The following CD226 variants were observed in gnomAD, a reference collection of about 807,000 sequenced individuals.
CD226 encodes the protein CD226 molecule, also known as CD226 antigen.
A neutral mutation model predicts 34.9 loss-of-function variants in CD226; 24 were observed. That is an observed-to-expected ratio of 0.69 (90% CI 0.50 to 0.97). The LOEUF is 0.97. CD226 is among the 50% of genes least tolerant of loss of function. The pLI is 0.00. For synonymous variants in CD226, 148 were observed against 147.4 expected, an observed-to-expected ratio of 1.00 and a Z score of -0.03; for missense variants, 397 against 412.7, an observed-to-expected ratio of 0.96 and a Z score of 0.33.
At chr18:69,914,720 T>C (rs2055365244) in intron 2 of CD226, among the ~76,000 whole-genome samples, 1 of 152,092 alleles carries the variant, frequency 6.6e-6, no homozygotes, top group East Asian at 1.9e-4. Flanking sequence ...CAAATAACCA[T>C]CAATTGAGGA....
At chr18:69,895,442 A>G (rs920579725) in intron 3 of CD226, among the ~76,000 whole-genome samples, 1 of 152,062 alleles carries the variant, frequency 6.6e-6, no homozygotes, top group Admixed American at 6.6e-5. Context: ...GCCCTTTACG[A>G]ATTTCTTTTT....
At chr18:69,869,550 G>T (rs1332136373) in intron 4 of CD226, among the ~76,000 whole-genome samples, 2 of 152,080 alleles carry the variant, frequency 1.3e-5, no homozygotes, top group Non-Finnish European at 2.9e-5. Context: ...AATAACTATT[G>T]GGTATAAGGC....
chr18:69,915,589 G>T (rs1369954285), intron 2 of CD226, among the ~76,000 whole-genome samples: 2 of 152,138 alleles, frequency 1.3e-5, no homozygotes, highest in African/African-American at 4.8e-5. Context: ...GAAACTAATT[G>T]AAATAGTTGC....
intron 2 of CD226, among the ~76,000 whole-genome samples, chr18:69,918,678 A>G (rs1027809674): frequency 6.6e-6 from 1 of 152,236 alleles, no homozygotes; most frequent in African/African-American, 2.4e-5. Flanking sequence ...ACAGATGTTT[A>G]CAATGTAAAA....
At chr18:69,878,366 C>T (rs1285669383) in intron 3 of CD226, among the ~76,000 whole-genome samples, 1 of 152,070 alleles carries the variant, frequency 6.6e-6, no homozygotes, top group African/African-American at 2.4e-5. Context: ...TAATTTACTC[C>T]AGGATTGTGA....
chr18:69,928,606 A>G (rs555954693), intron 2 of CD226, among the ~76,000 whole-genome samples: 66 of 152,344 alleles, frequency 4.3e-4, no homozygotes, highest in African/African-American at 1.5e-3. Flanking sequence ...ACTTGGGAAC[A>G]TAAGTGTTTC....
intron 5 of CD226, among the ~76,000 whole-genome samples, chr18:69,866,873 G>C (rs935847381): frequency 6.6e-6 from 1 of 152,174 alleles, no homozygotes; most frequent in East Asian, 1.9e-4. Context: ...GAGAGGGGCA[G>C]AGATTGGAGC....
chr18:69,955,773 G>C (rs2055891710), intron 1 of CD226, among the ~76,000 whole-genome samples: 1 of 148,400 alleles, frequency 6.7e-6, no homozygotes, highest in South Asian at 2.1e-4. Flanking sequence ...TGAGGCAGGA[G>C]AATGGCGTGA....
chr18:69,893,627 C>T lies in CD226; in HGVS notation c.727+2074G>A, dbSNP rs547601275. Among the ~76,000 whole-genome samples the T allele has an allele frequency of 2.6e-5, 4 of 152,226 alleles. No individual in the cohort carries two copies. In the East Asian group the frequency reaches 5.8e-4, roughly 22 times the overall value. ...AGTTTCAAAAAATACTTCCATAATGCAAGGGATTTTTAGGTAAGAAGTTCT... is the reference window on the plus strand; with the variant it reads ...AGTTTCAAAAAATACTTCCATAATGTAAGGGATTTTTAGGTAAGAAGTTCT... On this transcript the variant is annotated intron_variant, in intron 3 of 5. Transcript: ENST00000582621.
intron 4 of CD226, among the ~76,000 whole-genome samples, chr18:69,868,598 A>C (rs1983293123): frequency 6.6e-6 from 1 of 152,194 alleles, no homozygotes; most frequent in Non-Finnish European, 1.5e-5. Flanking sequence ...GGTGTTTTAT[A>C]TAAATTAGAT....
At chr18:69,939,168 G>T (rs1177205662) in intron 2 of CD226, among the ~76,000 whole-genome samples, 2 of 152,166 alleles carry the variant, frequency 1.3e-5, no homozygotes, top group Non-Finnish European at 2.9e-5. Context: ...TAAAACACCT[G>T]TATAAGGAAA....
intron 2 of CD226, among the ~76,000 whole-genome samples, chr18:69,930,653 T>C (rs982341882): frequency 2.0e-5 from 3 of 152,224 alleles, no homozygotes; most frequent in Admixed American, 1.3e-4. Context: ...CTCTAAGTGA[T>C]ACTCCTTCAT....
chr18:69,870,174 C>G (rs1983425022), intron 4 of CD226, among the ~76,000 whole-genome samples: 1 of 151,302 alleles, frequency 6.6e-6, no homozygotes, highest in South Asian at 2.1e-4. Context: ...CCAGTGTTCA[C>G]AAGGAATGTA....
chr18:69,864,480 A>G (rs1395206882), intron 5 of CD226, 41 bp from the exon 6 acceptor site: 1 of 1,598,586 alleles, frequency 6.3e-7, no homozygotes, highest in Non-Finnish European at 8.5e-7. Flanking sequence ...AATTCACTGC[A>G]TTTCAACAAC....
chr18:69,948,709 A>G (rs2055821107), upstream of CD226, among the ~76,000 whole-genome samples: 1 of 152,154 alleles, frequency 6.6e-6, no homozygotes, highest in Non-Finnish European at 1.5e-5. Flanking sequence ...TTGTTTTGTG[A>G]TGTAGTCAAA....
intron 3 of CD226, among the ~76,000 whole-genome samples, chr18:69,889,733 G>C (rs1247053290): frequency 6.6e-6 from 1 of 152,128 alleles, no homozygotes. Context: ...TCTATATACG[G>C]ATGTATTTAT....
At position 69,861,669 on chromosome 18, in the gene CD226, G is replaced by A. The variant is rs1311095873; in HGVS notation, c.*2645C>T. The A allele has an allele frequency of 6.6e-6, 1 of 151,150 alleles. No individual in the cohort carries two copies. Among genetic ancestry groups the A allele is most frequent in the East Asian group, 1.9e-4 (1 of 5,140 alleles). 9.4% of individuals were successfully genotyped at this position (151,150 alleles called of 1,614,324 possible). On this transcript the variant is annotated 3_prime_UTR_variant, in exon 6 of 6. Coordinates refer to ENST00000582621, the MANE Select transcript of CD226 (RefSeq NM_001303618.2). ...TACTGGAATTCTGATCGTTTATTCT[G>A]TGGATCTGTTTTTCATCTGCTTTCT...
At chr18:69,953,314 C>T (rs1196521633) in intron 1 of CD226, among the ~76,000 whole-genome samples, 3 of 152,276 alleles carry the variant, frequency 2.0e-5, no homozygotes, top group African/African-American at 4.8e-5. Context: ...ACGATCCAAG[C>T]GTCTGCCAAC....
At chr18:69,883,123 G>A (rs2051324) in intron 3 of CD226, among the ~76,000 whole-genome samples, 114,090 of 152,118 alleles carry the variant, frequency 0.75, 44,428 homozygotes, top group Non-Finnish European at 0.86. Flanking sequence ...TAAAAAAGAA[G>A]ATGAAGTAGA....
Sources: gnomAD v4.1 joint callset for allele counts (sites outside exome capture counted in the v4.1 genomes callset) on GRCh38, gnomAD v4.1.1 for gene constraint, MANE v1.5 for transcripts, NCBI Gene and HGNC (gene_info 2026-07-23, HGNC 2026-07-21) for gene names.